The following NVL variants were observed in gnomAD, a reference collection of about 807,000 sequenced individuals.
NVL encodes the protein nuclear VCP like.
NVL carries 84 observed loss-of-function variants against 110.2 expected under a neutral mutation model. That is an observed-to-expected ratio of 0.76 (90% CI 0.64 to 0.91). The LOEUF (loss-of-function observed/expected upper bound fraction) is 0.91. Among genes scored for constraint, NVL ranks in the 40% least tolerant of loss-of-function variants. The pLI, the probability that NVL is intolerant of heterozygous loss-of-function variation, is 0.00. For missense variants in NVL, 882 were observed against 1,035.9 expected, an observed-to-expected ratio of 0.85 and a Z score of 2.04; for synonymous variants, 354 against 361.1, an observed-to-expected ratio of 0.98 and a Z score of 0.22.
intron 2 of NVL, among the ~76,000 whole-genome samples, chr1:224,325,263 GAA>G (rs1166717307): frequency 2.2e-5 from 3 of 134,138 alleles, no homozygotes; most frequent in Non-Finnish European, 3.2e-5. Context: ...CTCCGTCTCA[GAA>G]AAAAAAAAAA....
chr1:224,306,131 C>G (rs1668889232), intron 6 of NVL, among the ~76,000 whole-genome samples: 1 of 152,204 alleles, frequency 6.6e-6, no homozygotes, highest in Non-Finnish European at 1.5e-5. Flanking sequence ...CTGGGACACA[C>G]CTGTAGCCCC....
rs1003572153 is a variant in NVL at position 224,268,896 on chromosome 1, TG to T, written c.2083-764del. Among the ~76,000 whole-genome samples the T allele has an allele frequency of 2.4e-4, 36 of 151,118 alleles. 1 individual carries two copies. Among genetic ancestry groups the T allele is most frequent in the African/African-American group, 8.3e-4 (34 of 41,142 alleles). The stretch of plus-strand genomic sequence containing the variant: ...TGGTCTTCAAACTCCTGACTTCAGG[TG>T]ATCTGCCCACCTCGGCCTCCCAAAG... On this transcript the variant is annotated intron_variant, in intron 17 of 22. Coordinates refer to ENST00000281701, the MANE Select transcript of NVL (RefSeq NM_002533.4).
intron 18 of NVL, among the ~76,000 whole-genome samples, chr1:224,260,886 T>C (rs1009419509): frequency 1.3e-5 from 2 of 151,538 alleles, no homozygotes; most frequent in Non-Finnish European, 2.9e-5. Context: ...TTTTATTTTA[T>C]ATTTTTTGAG....
chr1:224,321,238 G>A (rs1454043364), intron 2 of NVL, among the ~76,000 whole-genome samples: 1 of 152,030 alleles, frequency 6.6e-6, no homozygotes, highest in Non-Finnish European at 1.5e-5. Context: ...GAGCGAGACT[G>A]TGTCTCCAAA....
chr1:224,303,575 C>A, intron 9 of NVL, 148 bp downstream of exon 9: 1 of 657,700 alleles, frequency 1.5e-6, no homozygotes. Context: ...ACAAATAATA[C>A]CAGCATGATA....
intron 22 of NVL, among the ~76,000 whole-genome samples, chr1:224,228,647 C>T (rs1659471901): frequency 6.7e-6 from 1 of 150,278 alleles, no homozygotes; most frequent in Non-Finnish European, 1.5e-5. Context: ...TCATAAGAAA[C>T]TGCCAGAATG....
chr1:224,236,739 C>T (rs1391751362), intron 19 of NVL, 157 bp from the exon 20 acceptor site: 8 of 574,518 alleles, frequency 1.4e-5, no homozygotes, highest in South Asian at 1.8e-5. Context: ...GGTAAAACCC[C>T]ATCTCTACTA....
chr1:224,310,824 G>A (rs1038062304), intron 5 of NVL, among the ~76,000 whole-genome samples: 6 of 151,944 alleles, frequency 3.9e-5, no homozygotes, highest in Non-Finnish European at 8.8e-5. Context: ...TCAAACTCCT[G>A]GGCTCAAGCG....
chr1:224,318,078 G>T, intron 2 of NVL, 148 bp from the exon 3 acceptor site: 2 of 512,552 alleles, frequency 3.9e-6, no homozygotes, highest in East Asian at 3.2e-5. Flanking sequence ...AAACTTCTAA[G>T]TTTATATATT....
intron 20 of NVL, among the ~76,000 whole-genome samples, chr1:224,234,121 A>C (rs900117718): frequency 3.3e-5 from 5 of 151,890 alleles, no homozygotes; most frequent in Non-Finnish European, 5.9e-5. Context: ...GATTCAAGTT[A>C]AAACTGAATG....
At chr1:224,234,175 C>G (rs550121469) in intron 20 of NVL, among the ~76,000 whole-genome samples, 1 of 152,232 alleles carries the variant, frequency 6.6e-6, no homozygotes, top group South Asian at 2.1e-4. Flanking sequence ...ACAAAACAGG[C>G]CTTCACTTAT....
chr1:224,276,562 C>T (rs1010779024), intron 16 of NVL, among the ~76,000 whole-genome samples: 1 of 152,108 alleles, frequency 6.6e-6, no homozygotes, highest in African/African-American at 2.4e-5. Flanking sequence ...TTTCATATCA[C>T]CTATGCTATT....
intron 18 of NVL, among the ~76,000 whole-genome samples, chr1:224,264,009 C>T (rs938983706): frequency 1.3e-5 from 2 of 151,994 alleles, no homozygotes; most frequent in African/African-American, 2.4e-5. Flanking sequence ...AGCAAGATTC[C>T]GTCTCAAAAA....
chr1:224,278,992 T>A (rs555216273), intron 16 of NVL, among the ~76,000 whole-genome samples: 1 of 152,244 alleles, frequency 6.6e-6, no homozygotes, highest in South Asian at 2.1e-4. Context: ...CTCAAAGTGC[T>A]GGGATTATAG....
At chr1:224,299,468 C>A (rs905416562) in intron 10 of NVL, among the ~76,000 whole-genome samples, 1 of 152,120 alleles carries the variant, frequency 6.6e-6, no homozygotes, top group Non-Finnish European at 1.5e-5. Context: ...CCAGGAAAAG[C>A]GGGGTGCTAG....
intron 17 of NVL, among the ~76,000 whole-genome samples, chr1:224,271,612 A>C (rs1046309098): frequency 9.2e-5 from 14 of 152,192 alleles, no homozygotes; most frequent in Non-Finnish European, 1.6e-4. Context: ...AATAACCTCC[A>C]AAAAGAGTAA....
At chr1:224,295,464 T>C (rs1389204095) in intron 11 of NVL, among the ~76,000 whole-genome samples, 1 of 152,040 alleles carries the variant, frequency 6.6e-6, no homozygotes. Context: ...CCTCCCAAAG[T>C]GCTAAGATTA....
intron 2 of NVL, among the ~76,000 whole-genome samples, chr1:224,319,022 G>A (rs1309987442): frequency 6.7e-6 from 1 of 148,370 alleles, no homozygotes; most frequent in Non-Finnish European, 1.5e-5. Context: ...GGGTGTGGTG[G>A]TGCACACTTG....
intron 19 of NVL, among the ~76,000 whole-genome samples, chr1:224,243,985 T>C (rs1433771497): frequency 1.3e-5 from 2 of 152,064 alleles, no homozygotes. Context: ...GACTGTATTT[T>C]ATCTGAAAGT....
Sources: gnomAD v4.1 joint callset for allele counts (sites outside exome capture counted in the v4.1 genomes callset) on GRCh38, gnomAD v4.1.1 for gene constraint, MANE v1.5 for transcripts, NCBI Gene and HGNC (gene_info 2026-07-23, HGNC 2026-07-21) for gene names.